The following CDYL2 variants were observed in gnomAD, a reference collection of about 807,000 sequenced individuals.
CDYL2 encodes chromodomain Y like 2, also known as chromodomain Y-like protein 2.
In CDYL2, 23 loss-of-function variants were observed where a neutral mutation model predicts 49.4. The observed-to-expected ratio is 0.47, with a 90% CI of 0.34 to 0.66. The LOEUF (loss-of-function observed/expected upper bound fraction) is 0.66. Ranked by LOEUF, CDYL2 falls within the 30% of genes least tolerant of loss-of-function variation. CDYL2 has a pLI of 0.01. For synonymous variants in CDYL2, 360 were observed against 268.8 expected (o/e 1.34, Z -3.32); for missense variants, 678 against 656.4 (o/e 1.03, Z -0.36).
intron 2 of CDYL2, among the ~76,000 whole-genome samples, chr16:80,643,376 T>G (rs971896051): frequency 4.6e-5 from 7 of 152,210 alleles, no homozygotes; most frequent in Admixed American, 2.6e-4. Flanking sequence ...GTCTGCAACT[T>G]TTCCAGGTGC....
intron 1 of CDYL2, among the ~76,000 whole-genome samples, chr16:80,768,397 G>A (rs1906796804): frequency 6.6e-6 from 1 of 152,118 alleles, no homozygotes; most frequent in African/African-American, 2.4e-5. Flanking sequence ...GACTATTCAG[G>A]CTGCTATAAC....
At chr16:80,711,615 C>T (rs1485089122) in intron 1 of CDYL2, among the ~76,000 whole-genome samples, 1 of 152,182 alleles carries the variant, frequency 6.6e-6, no homozygotes, top group East Asian at 1.9e-4. Context: ...TGACCCACAG[C>T]AAATTCCTCT....
chr16:80,641,881 A>C (rs1005753092), intron 2 of CDYL2, among the ~76,000 whole-genome samples: 20 of 151,826 alleles, frequency 1.3e-4, no homozygotes, highest in Non-Finnish European at 2.9e-4. Flanking sequence ...CATGTACCCT[A>C]AAACTTAAAG....
At chr16:80,758,914 C>A (rs930914858) in intron 1 of CDYL2, among the ~76,000 whole-genome samples, 1 of 151,696 alleles carries the variant, frequency 6.6e-6, no homozygotes, top group African/African-American at 2.4e-5. Context: ...AAGGAAATCA[C>A]AGTACCTCTG....
chr16:80,787,618 T>C (rs1907480160), intron 1 of CDYL2, among the ~76,000 whole-genome samples: 1 of 152,162 alleles, frequency 6.6e-6, no homozygotes, highest in South Asian at 2.1e-4. Flanking sequence ...CTCCTCTCTC[T>C]CCTCTGTGTG....
At chr16:80,795,569 GA>G (rs1907746689) in intron 1 of CDYL2, among the ~76,000 whole-genome samples, 2 of 152,152 alleles carry the variant, frequency 1.3e-5, no homozygotes, top group East Asian at 3.9e-4. Flanking sequence ...TGAGGGAAGG[GA>G]CAAGAAGGGG....
intron 1 of CDYL2, among the ~76,000 whole-genome samples, chr16:80,778,864 A>T (rs1227957230): frequency 6.6e-6 from 1 of 152,116 alleles, no homozygotes; most frequent in African/African-American, 2.4e-5. Context: ...GACAAATCGG[A>T]CATTTCAAGT....
At chr16:80,733,110 C>G (rs1905389610) in intron 1 of CDYL2, among the ~76,000 whole-genome samples, 1 of 152,198 alleles carries the variant, frequency 6.6e-6, no homozygotes, top group Non-Finnish European at 1.5e-5. Context: ...TTCTACCCCA[C>G]AACCCTGAAC....
intron 2 of CDYL2, among the ~76,000 whole-genome samples, chr16:80,681,054 C>T (rs912240856): frequency 6.6e-6 from 1 of 152,160 alleles, no homozygotes. Flanking sequence ...AAACACCACC[C>T]GCCGGAGCCC....
At chr16:80,746,331 C>A (rs1024430686) in intron 1 of CDYL2, among the ~76,000 whole-genome samples, 1 of 152,126 alleles carries the variant, frequency 6.6e-6, no homozygotes, top group Non-Finnish European at 1.5e-5. Context: ...TAATCCCAAG[C>A]GCTATGAATT....
chr16:80,662,173 C>T (rs968306691), intron 2 of CDYL2, among the ~76,000 whole-genome samples: 3 of 152,172 alleles, frequency 2.0e-5, no homozygotes, highest in Non-Finnish European at 2.9e-5. Context: ...ATGACTAACT[C>T]GTATTTATAT....
At chr16:80,800,505 A>G (rs760711393) in intron 1 of CDYL2, among the ~76,000 whole-genome samples, 1 of 152,182 alleles carries the variant, frequency 6.6e-6, no homozygotes, top group Admixed American at 6.5e-5. Flanking sequence ...CCAGGTGCAG[A>G]TAGAGTCAGC....
chr16:80,776,713 G>A (rs1188202671), intron 1 of CDYL2, among the ~76,000 whole-genome samples: 1 of 151,538 alleles, frequency 6.6e-6, no homozygotes, highest in African/African-American at 2.4e-5. Flanking sequence ...AGTAAAAAAA[G>A]CAAGATGCAG....
intron 2 of CDYL2, among the ~76,000 whole-genome samples, chr16:80,640,879 G>C (rs74883294): frequency 0.12 from 18,442 of 152,122 alleles, 1,591 homozygotes; most frequent in Admixed American, 0.28. Flanking sequence ...CCTGAAGACA[G>C]GCTATTTGAA....
intron 2 of CDYL2, among the ~76,000 whole-genome samples, chr16:80,662,446 G>T (rs1209799112): frequency 6.6e-6 from 1 of 152,098 alleles, no homozygotes; most frequent in Admixed American, 6.5e-5. Context: ...CATTCTTCCA[G>T]AGCAGTGCAT....
chr16:80,777,450 ATC>A (rs1907125168), intron 1 of CDYL2, among the ~76,000 whole-genome samples: 1 of 150,838 alleles, frequency 6.6e-6, no homozygotes, highest in African/African-American at 2.5e-5. Flanking sequence ...AGAAAAAAAA[ATC>A]TATTTAAGAG....
At chr16:80,742,656 G>C (rs1370782690) in intron 1 of CDYL2, among the ~76,000 whole-genome samples, 1 of 151,884 alleles carries the variant, frequency 6.6e-6, no homozygotes, top group Non-Finnish European at 1.5e-5. Context: ...AGGATAGATA[G>C]GTGGATGGGT....
intron 5 of CDYL2, among the ~76,000 whole-genome samples, chr16:80,608,513 C>T (rs1327666790): frequency 6.6e-6 from 1 of 152,170 alleles, no homozygotes; most frequent in African/African-American, 2.4e-5. Context: ...TGGTGGCAGA[C>T]CCATGGGCAT....
At chr16:80,645,011 C>A (rs183057204) in intron 2 of CDYL2, among the ~76,000 whole-genome samples, 9,140 of 152,022 alleles carry the variant, frequency 0.06, 578 homozygotes, top group African/African-American at 0.16. Context: ...AAGACTTAAA[C>A]GTTAGACCTA....
Sources: gnomAD v4.1 joint callset for allele counts (sites outside exome capture counted in the v4.1 genomes callset) on GRCh38, gnomAD v4.1.1 for gene constraint, MANE v1.5 for transcripts, NCBI Gene and HGNC (gene_info 2026-07-23, HGNC 2026-07-21) for gene names.